MEX3D: variants seen among roughly 807,000 people sequenced by gnomAD.
MEX3D encodes RNA-binding protein MEX3D.
MEX3D carries 4 observed loss-of-function variants against 6.3 expected under a neutral mutation model. That is an observed-to-expected ratio of 0.64 (90% confidence interval 0.31 to 1.46). The LOEUF (loss-of-function observed/expected upper bound fraction) is 1.46, where lower values mean the gene tolerates loss of function less well. Ranked by LOEUF, MEX3D falls within the 40% of genes most tolerant of loss-of-function variation. MEX3D has a pLI of 0.07. For missense variants in MEX3D, 1,038 were observed against 994.4 expected (o/e 1.04, Z -0.59); for synonymous variants, 626 against 494.1 (o/e 1.27, Z -3.54).
Position 1,555,541 on chromosome 19 carries a change from C to T in MEX3D, c.*22G>A, listed in dbSNP as rs1208513004. 1.9e-6 allele frequency: 3 copies of T among 1,544,872 alleles called. No homozygotes were observed. Among genetic ancestry groups the T allele is most frequent in the Non-Finnish European group, 2.6e-6 (3 of 1,146,852 alleles). On this transcript the variant is annotated 3_prime_UTR_variant, in exon 2 of 2. Coordinates refer to ENST00000402693, the MANE Select transcript of MEX3D (RefSeq NM_203304.4). Reference sequence around the variant, plus strand: ...CACCCCTGGCCCCCGCAGATGGCCCCGGCCACGTGGTGGTCCGCGCTCTAG... The same window carrying T: ...CACCCCTGGCCCCCGCAGATGGCCCTGGCCACGTGGTGGTCCGCGCTCTAG...
In MEX3D at chr19:1,567,379, C is replaced by G; in HGVS notation, c.595+85G>C. Reference sequence around the variant, plus strand: ...TCCGGTGCGGGGCGTCCGGCGCGGGCTGGGCTGGGCTCGGGCGACCCCCTT... The same window carrying G: ...TCCGGTGCGGGGCGTCCGGCGCGGGGTGGGCTGGGCTCGGGCGACCCCCTT... On this transcript the variant is annotated intron_variant, in intron 1 of 1. Coordinates refer to ENST00000402693, the MANE Select transcript of MEX3D (RefSeq NM_203304.4). The surrounding 1 kb of genome is among the most constrained non-coding windows in gnomAD (Gnocchi z 6.5). The G allele has an allele frequency of 1.4e-6, 2 of 1,381,104 alleles. No individual in the cohort carries two copies. The highest frequency in any genetic ancestry group is 1.9e-6 in the Non-Finnish European group (2 of 1,065,552). The allele number at this position is 1,381,104 out of a possible 1,614,324, so 85.6% of individuals were successfully genotyped here. A position where few individuals can be genotyped will look rare whatever the true frequency, so the allele number is the denominator to read the frequency against.
chr19:1,559,465 T>C (rs768692726), intron 1 of MEX3D, among the ~76,000 whole-genome samples: 1 of 151,692 alleles, frequency 6.6e-6, no homozygotes, highest in Non-Finnish European at 1.5e-5. Context: ...GGGATCTCAC[T>C]ATATTGCCCA....
At chr19:1,564,469 C>T (rs932798982) in intron 1 of MEX3D, among the ~76,000 whole-genome samples, 1 of 149,248 alleles carries the variant, frequency 6.7e-6, no homozygotes, top group African/African-American at 2.5e-5. Context: ...GGAGGTGGAG[C>T]TTGCAGTGAA....
rs753826488 is a variant in MEX3D, at chr19:1,555,730, C to A, written c.1789G>T (p.Ala597Ser). The change falls in exon 2 of 2, where the codon GCG becomes TCG. Residue 597 changes from alanine to serine, a missense_variant. Around this residue, in one of 5 missense-constraint regions of MEX3D, gnomAD observed 581 missense variants for 516.2 expected, o/e 1.13. Coordinates refer to ENST00000402693, the MANE Select transcript of MEX3D (RefSeq NM_203304.4). ...TCGGCGCACACCACGCACTCTCGCGCCAGGGCCGGGGCCGAGGACGCCGAA... is the reference window on the plus strand; with the variant it reads ...TCGGCGCACACCACGCACTCTCGCGACAGGGCCGGGGCCGAGGACGCCGAA... Reference protein sequence around the residue: ...PPSASSAPALARECVVCAEGE... With the variant: ...PPSASSAPALSRECVVCAEGE... 1.3e-6 allele frequency: 2 copies of A among 1,528,966 alleles called. No homozygotes were observed. The highest frequency in any genetic ancestry group is 2.4e-5 in the South Asian group (2 of 82,894). The allele number at this position is 1,528,966 out of a possible 1,614,324, so 94.7% of individuals were successfully genotyped here.
Position 1,567,377 on chromosome 19 carries a change from G to A in MEX3D, c.595+87C>T, listed in dbSNP as rs1914868552. 4 of 1,373,920 alleles carry A rather than the reference G, an allele frequency of 2.9e-6. No individual in the cohort carries two copies. The highest frequency in any genetic ancestry group is 1.5e-5 in the African/African-American group (1 of 65,892). 85.1% of individuals were successfully genotyped at this position (1,373,920 alleles called of 1,614,324 possible). A position where few individuals can be genotyped will look rare whatever the true frequency, so the allele number is the denominator to read the frequency against. On this transcript the variant is annotated intron_variant, in intron 1 of 1. Coordinates refer to ENST00000402693, the MANE Select transcript of MEX3D (RefSeq NM_203304.4). The surrounding 1 kb of genome is among the most constrained non-coding windows in gnomAD (Gnocchi z 6.5). ...TGTCCGGTGCGGGGCGTCCGGCGCG[G>A]GCTGGGCTGGGCTCGGGCGACCCCC...
chr19:1,560,948 G>A (rs1914702269), intron 1 of MEX3D, among the ~76,000 whole-genome samples: 1 of 152,244 alleles, frequency 6.6e-6, no homozygotes, highest in African/African-American at 2.4e-5. Flanking sequence ...AGAGGGACAG[G>A]AAGCCTGAAG....
rs376659727 is a variant in MEX3D, at chr19:1,555,360, C to T, written c.*203G>A. On this transcript the variant is annotated 3_prime_UTR_variant, in exon 2 of 2. Coordinates refer to ENST00000402693, the MANE Select transcript of MEX3D (RefSeq NM_203304.4). Reference sequence around the variant, plus strand: ...TACTGTCGTTGAAGGGCTGAGGCGCCGCCGGGCTGCGGGGTCTCCGTCTCC... The same window carrying T: ...TACTGTCGTTGAAGGGCTGAGGCGCTGCCGGGCTGCGGGGTCTCCGTCTCC... The T allele has an allele frequency of 1.4e-4, 223 of 1,601,876 alleles. No individual in the cohort carries two copies. Among genetic ancestry groups the T allele is most frequent in the Non-Finnish European group, 1.8e-4 (214 of 1,174,094 alleles).
chr19:1,561,207 C>T (rs942093017), intron 1 of MEX3D, among the ~76,000 whole-genome samples: 3 of 152,202 alleles, frequency 2.0e-5, no homozygotes, highest in Admixed American at 6.5e-5. Context: ...CTGCAATGAC[C>T]GTGCACTACG....
rs1425441434 is a variant in MEX3D at position 1,567,421 on chromosome 19, G to A, written c.595+43C>T. The A allele has an allele frequency of 6.5e-7, 1 of 1,530,996 alleles. No homozygotes were observed. Among genetic ancestry groups the A allele is most frequent in the Non-Finnish European group, 8.7e-7 (1 of 1,144,444 alleles). The allele number at this position is 1,530,996 out of a possible 1,614,324, so 94.8% of individuals were successfully genotyped here. ...GACCCCCTTCCCCGGGGCGGACGGT[G>A]CGGGGACCCCCAGGACAGCAACCCC... On this transcript the variant is annotated intron_variant, in intron 1 of 1. Transcript: ENST00000402693. This position sits in a 1 kb window ranked among gnomAD's most constrained non-coding sequence, Gnocchi z 6.5.
At chr19:1,560,898 C>A (rs1007876328) in intron 1 of MEX3D, among the ~76,000 whole-genome samples, 1 of 152,224 alleles carries the variant, frequency 6.6e-6, no homozygotes, top group African/African-American at 2.4e-5. Flanking sequence ...GGAGTGATCC[C>A]AGCCCACCCC....
chr19:1,567,765 AGCCGCCCCGCCGTCCGCGCCCCCCGCC>A lies in MEX3D; in HGVS notation c.267_293del (p.Ala90_Ala98del), dbSNP rs1200391907. ...GTCCGTCGGGGGGCACAGGCTCCGGAGCCGCCCCGCCGTCCGCGCCCCCCGCCGCCGCTGCGCCGTCCCCGGCCGCCC... is the reference window on the plus strand; with the variant it reads ...GTCCGTCGGGGGGCACAGGCTCCGGAGCCGCTGCGCCGTCCCCGGCCGCCC... On this transcript the variant is annotated inframe_deletion, in exon 1 of 2. Coordinates refer to ENST00000402693, the MANE Select transcript of MEX3D (RefSeq NM_203304.4). This position sits in a 1 kb window ranked among gnomAD's most constrained non-coding sequence, Gnocchi z 6.5. 1.1e-6 allele frequency: 1 copy of A among 932,604 alleles called. No individual in the cohort carries two copies. Among genetic ancestry groups the A allele is most frequent in the East Asian group, 1.3e-4 (1 of 7,990 alleles). 57.8% of individuals were successfully genotyped at this position (932,604 alleles called of 1,614,324 possible).
Position 1,556,426 on chromosome 19 carries a change from G to A in MEX3D, c.1093C>T (p.Leu365=). The change falls in exon 2 of 2, where the codon CTG becomes TTG. Residue 365 remains leucine (L), a synonymous_variant. Transcript: ENST00000402693. The surrounding 1 kb of genome is among the most constrained non-coding windows in gnomAD (Gnocchi z 7.5). ...CAGAGGCTGGCGGCCGCCCCGAGCA[G>A]GTCCAGGCAGACGTCGGTGCCGTTG... ...HANGTDVCLD[L]LGAAASLWAK... 1 of 1,593,928 alleles carries A rather than the reference G, an allele frequency of 6.3e-7. No individual in the cohort carries two copies. Among genetic ancestry groups the A allele is most frequent in the African/African-American group, 1.3e-5 (1 of 74,620 alleles).
At chr19:1,561,360 G>A (rs1377577094) in intron 1 of MEX3D, among the ~76,000 whole-genome samples, 2 of 152,326 alleles carry the variant, frequency 1.3e-5, no homozygotes, top group East Asian at 1.9e-4. Context: ...GAAGCAGGAC[G>A]GGGCGAGAAC....
At chr19:1,563,453 G>A (rs946153084) in intron 1 of MEX3D, among the ~76,000 whole-genome samples, 1 of 152,210 alleles carries the variant, frequency 6.6e-6, no homozygotes, top group Non-Finnish European at 1.5e-5. Flanking sequence ...AACACCTTCT[G>A]TGTACAGGCC....
At chr19:1,560,953 C>G (rs981428344) in intron 1 of MEX3D, among the ~76,000 whole-genome samples, 11 of 152,254 alleles carry the variant, frequency 7.2e-5, no homozygotes, top group African/African-American at 2.7e-4. Context: ...GACAGGAAGC[C>G]TGAAGGGCGG....
chr19:1,567,707 C>G lies in MEX3D; in HGVS notation c.352G>C (p.Ala118Pro). ...AGCGGCAGCGACCCGGGGGCCACGG[C>G]GGGGGCCAGGGTCGGGGGCGCGCCG... is the stretch of plus-strand genomic sequence containing the variant. ...EAGAPPTLAPAVAPGSLPLLD... is the reference protein window; with the variant it reads ...EAGAPPTLAPPVAPGSLPLLD... Residue 118 changes from alanine (A) to proline (P), a missense_variant, in exon 1 of 2, where the codon GCC (alanine) becomes CCC (proline). This residue lies in a region of MEX3D where 265 missense variants were observed against 206.3 expected (regional missense o/e 1.28). Coordinates refer to ENST00000402693, the MANE Select transcript of MEX3D (RefSeq NM_203304.4). The surrounding 1 kb of genome is among the most constrained non-coding windows in gnomAD (Gnocchi z 6.5). 1 of 1,046,460 alleles carries G rather than the reference C, an allele frequency of 9.6e-7. No homozygotes were observed. The highest frequency in any genetic ancestry group is 1.2e-6 in the Non-Finnish European group (1 of 862,234). The allele number at this position is 1,046,460 out of a possible 1,614,324, so 64.8% of individuals were successfully genotyped here. A position where few individuals can be genotyped will look rare whatever the true frequency, so the allele number is the denominator to read the frequency against.
rs553041121 is a variant in MEX3D at position 1,559,835 on chromosome 19, G to A, written c.596-2912C>T. On this transcript the variant is annotated intron_variant, in intron 1 of 1. Transcript: ENST00000402693. ...TAGGGAGGACCCTGGGAGGGGTGGC[G>A]GGGGTGCACCCACTCGGAGGAGGAC... Among the ~76,000 whole-genome samples the A allele has an allele frequency of 2.0e-4, 31 of 152,202 alleles. No individual in the cohort carries two copies. The South Asian group carries it at 6.2e-3, about 31-fold the overall frequency.
Position 1,567,447 on chromosome 19 carries a change from C to A in MEX3D, c.595+17G>T. 6.4e-7 allele frequency: 1 copy of A among 1,557,580 alleles called. No individual in the cohort carries two copies. Among genetic ancestry groups the A allele is most frequent in the East Asian group, 2.6e-5 (1 of 37,956 alleles). On this transcript the variant is annotated intron_variant, in intron 1 of 1. Transcript: ENST00000402693. The surrounding 1 kb of genome is among the most constrained non-coding windows in gnomAD (Gnocchi z 6.5). ...CGGGGACCCCCAGGACAGCAACCCCCGACGAGGGCCACTCACCCTGGCGAC... is the reference window on the plus strand; with the variant it reads ...CGGGGACCCCCAGGACAGCAACCCCAGACGAGGGCCACTCACCCTGGCGAC...
In MEX3D at chr19:1,554,686, G is replaced by C. The variant is rs1410582969; in HGVS notation, c.*877C>G. The stretch of plus-strand genomic sequence containing the variant: ...AAGCCGTGTGCTCACATGTAGAAAA[G>C]AGGCTTTATTAAGAAGGCTTTGAAG... On this transcript the variant is annotated 3_prime_UTR_variant, in exon 2 of 2. Transcript: ENST00000402693. 1 of 152,394 alleles carries C rather than the reference G, an allele frequency of 6.6e-6. No homozygotes were observed. Among genetic ancestry groups the C allele is most frequent in the Non-Finnish European group, 1.5e-5 (1 of 68,018 alleles). The allele number at this position is 152,394 out of a possible 1,614,324, so 9.4% of individuals were successfully genotyped here.
Sources: gnomAD v4.1 joint callset for allele counts (sites outside exome capture counted in the v4.1 genomes callset) on GRCh38, gnomAD v4.1.1 for gene constraint, gnomAD v4.1.1 regional missense constraint, Gnocchi (gnomAD v3.1) non-coding constraint, MANE v1.5 for transcripts, NCBI Gene and HGNC (gene_info 2026-07-23, HGNC 2026-07-21) for gene names.